Variants in OR6C1 observed in about 807,000 individuals in gnomAD.
The protein encoded by OR6C1 is olfactory receptor 6C1.
For synonymous variants in OR6C1, 157 were observed against 133.3 expected (o/e 1.18, Z -1.22); for missense variants, 386 against 366.1 (o/e 1.05, Z -0.44).
intron 1 of OR6C1, among the ~76,000 whole-genome samples, chr12:55,319,082 A>G (rs1868471015): frequency 6.6e-6 from 1 of 152,180 alleles, no homozygotes. Context: ...TTTCAATTAT[A>G]AAGCAAAATG....
At position 55,321,294 on chromosome 12, in the gene OR6C1, G is replaced by A. The variant is rs891611426; in HGVS notation, c.695G>A (p.Arg232Lys). The change falls in exon 2 of 2, where the codon AGG (arginine) becomes AAG (lysine). Residue 232 changes from arginine to lysine, a missense_variant. Transcript: ENST00000642104. ...TILRIPSTSQ[R>K]TKAFSTCSSH... ...TTGAGAATTCCTTCTACTAGTCAGA[G>A]GACAAAGGCCTTTTCCACATGTTCT... The A allele has an allele frequency of 6.2e-7, 1 of 1,613,236 alleles. No homozygotes were observed. The highest frequency in any genetic ancestry group is 8.5e-7 in the Non-Finnish European group (1 of 1,179,440).
chr12:55,316,717 T>C (rs1034373851), intron 1 of OR6C1, among the ~76,000 whole-genome samples: 1 of 152,096 alleles, frequency 6.6e-6, no homozygotes, highest in South Asian at 2.1e-4. Context: ...TATTGGCAAC[T>C]GAATACAATT....
rs777102489 is a variant in OR6C1 at position 55,315,166 on chromosome 12, A to G, written c.-34+567A>G. ...TTATAGTATTTCAATTAATTCCCAA[A>G]AACATCCTTGAAATTTCAACTCTGT... On this transcript the variant is annotated intron_variant, in intron 1 of 1. Coordinates refer to ENST00000642104, the MANE Select transcript of OR6C1 (RefSeq NM_001005182.2). Among the ~76,000 whole-genome samples the G allele has an allele frequency of 2.7e-4, 40 of 150,742 alleles. 3 individuals carry two copies.
intron 1 of OR6C1, among the ~76,000 whole-genome samples, chr12:55,316,793 A>G (rs1432808084): frequency 1.3e-5 from 2 of 151,954 alleles, no homozygotes; most frequent in African/African-American, 4.8e-5. Flanking sequence ...TTGTTATTGG[A>G]TCACATGCTA....
At chr12:55,318,067 A>G (rs545971723) in intron 1 of OR6C1, among the ~76,000 whole-genome samples, 2 of 151,602 alleles carry the variant, frequency 1.3e-5, no homozygotes, top group South Asian at 2.1e-4. Flanking sequence ...ACATATGTAT[A>G]TATAATATAT....
Position 55,321,216 on chromosome 12 carries a change from T to C in OR6C1, c.617T>C (p.Met206Thr), listed in dbSNP as rs112626795. 466 of 1,613,998 alleles carry C rather than the reference T, an allele frequency of 2.9e-4. 3 individuals are homozygous for C. The African/African-American group carries it at 3.1e-3, about 11-fold the overall frequency. ...TTTTCTTGTGCTGCGTTTACTCTAATGTTCACTTTGGCATTAATATTTCTG... is the reference window on the plus strand; with the variant it reads ...TTTTCTTGTGCTGCGTTTACTCTAACGTTCACTTTGGCATTAATATTTCTG... ...MGFSCAAFTLMFTLALIFLSY... is the reference protein window; with the variant it reads ...MGFSCAAFTLTFTLALIFLSY... The change falls in exon 2 of 2, where the codon ATG (methionine) becomes ACG (threonine). Residue 206 changes from methionine (M) to threonine (T), a missense_variant. Met to Thr is a moderately conservative substitution (Grantham distance 81). Transcript: ENST00000642104.
At position 55,314,578 on chromosome 12, in the gene OR6C1, T is replaced by C. The variant is rs781103990; in HGVS notation, c.-55T>C. On this transcript the variant is annotated 5_prime_UTR_variant, in exon 1 of 2. Transcript: ENST00000642104. ...CTATTCCAGCCATTCTGAATGTTAGTGAAACTATATGAAAATCAGAGGTAA... is the reference window on the plus strand; with the variant it reads ...CTATTCCAGCCATTCTGAATGTTAGCGAAACTATATGAAAATCAGAGGTAA... 4.6e-5 allele frequency: 7 copies of C among 151,704 alleles called. No individual in the cohort carries two copies. Among genetic ancestry groups the C allele is most frequent in the Admixed American group, 6.6e-5 (1 of 15,156 alleles). 9.4% of individuals were successfully genotyped at this position (151,704 alleles called of 1,614,324 possible).
rs1868562978 is a variant in OR6C1, at chr12:55,321,558, T to C, written c.*20T>C. The C allele has an allele frequency of 2.0e-6, 3 of 1,534,820 alleles. No individual in the cohort carries two copies. Among genetic ancestry groups the C allele is most frequent in the African/African-American group, 1.4e-5 (1 of 72,730 alleles). ...ACATGAAATGGTATGGTGTGATGAATTAGAGGCACAGGAAAGGACAATATG... is the reference window on the plus strand; with the variant it reads ...ACATGAAATGGTATGGTGTGATGAACTAGAGGCACAGGAAAGGACAATATG... On this transcript the variant is annotated 3_prime_UTR_variant, in exon 2 of 2. Transcript: ENST00000642104.
intron 1 of OR6C1, among the ~76,000 whole-genome samples, chr12:55,320,234 CAAG>C (rs975347937): frequency 3.9e-5 from 6 of 152,056 alleles, no homozygotes; most frequent in African/African-American, 7.2e-5. Flanking sequence ...GGGATTTGTG[CAAG>C]AATACGAAGG....
Position 55,321,375 on chromosome 12 carries a change from A to G in OR6C1, c.776A>G (p.Lys259Arg). 6.2e-7 allele frequency: 1 copy of G among 1,614,006 alleles called. No individual in the cohort carries two copies. Among genetic ancestry groups the G allele is most frequent in the East Asian group, 2.2e-5 (1 of 44,854 alleles). ...SYGSCIFMYI[K>R]PSAKDRVSLS... Reference sequence around the variant, plus strand: ...GGCAGCTGCATTTTTATGTACATTAAACCCTCAGCAAAAGATAGAGTGTCC... The same window carrying G: ...GGCAGCTGCATTTTTATGTACATTAGACCCTCAGCAAAAGATAGAGTGTCC... Residue 259 changes from lysine (K) to arginine (R), a missense_variant, in exon 2 of 2, where the codon AAA becomes AGA. Coordinates refer to ENST00000642104, the MANE Select transcript of OR6C1 (RefSeq NM_001005182.2).
rs111670157 is a variant in OR6C1, at chr12:55,317,973, A to G, written c.-33-2594A>G. Among the ~76,000 whole-genome samples the G allele has an allele frequency of 7.9e-3, 1,183 of 148,836 alleles. 15 individuals carry two copies. The highest frequency in any genetic ancestry group is 0.027 in the African/African-American group (1,108 of 40,694). On this transcript the variant is annotated intron_variant, in intron 1 of 1. Coordinates refer to ENST00000642104, the MANE Select transcript of OR6C1 (RefSeq NM_001005182.2). ...TATATACACACACACACACACATAT[A>G]TACACATATATATACATACACATAT... is the stretch of plus-strand genomic sequence containing the variant.
At chr12:55,315,303 TG>T (rs1868391169) in intron 1 of OR6C1, among the ~76,000 whole-genome samples, 1 of 151,688 alleles carries the variant, frequency 6.6e-6, no homozygotes, top group South Asian at 2.1e-4. Flanking sequence ...ATACTTTCTG[TG>T]ATAATAAATT....
rs1868552616 is a variant in OR6C1, at chr12:55,321,368, T to A, written c.769T>A (p.Tyr257Asn). ...SISYGSCIFM[Y>N]IKPSAKDRVS... is the part of the protein sequence containing the mutation. ...CTCTTATGGCAGCTGCATTTTTATG[T>A]ACATTAAACCCTCAGCAAAAGATAG... is the stretch of plus-strand genomic sequence containing the variant. Residue 257 changes from tyrosine to asparagine, a missense_variant, in exon 2 of 2, where the codon TAC (tyrosine) becomes AAC (asparagine). Tyr to Asn is a moderately radical substitution (Grantham distance 143). Transcript: ENST00000642104. 6.2e-7 allele frequency: 1 copy of A among 1,613,878 alleles called. No individual in the cohort carries two copies. Among genetic ancestry groups the A allele is most frequent in the Non-Finnish European group, 8.5e-7 (1 of 1,179,930 alleles).
intron 1 of OR6C1, among the ~76,000 whole-genome samples, chr12:55,318,977 C>T (rs184108305): frequency 1.3e-5 from 2 of 152,078 alleles, no homozygotes; most frequent in East Asian, 1.9e-4. Flanking sequence ...AGTATGAATA[C>T]ACAATTAAGC....
Position 55,321,588 on chromosome 12 carries a change from T to G in OR6C1, c.*50T>G. 7.9e-7 allele frequency: 1 copy of G among 1,270,324 alleles called. No homozygotes were observed. The highest frequency in any genetic ancestry group is 1.1e-6 in the Non-Finnish European group (1 of 917,966). 78.7% of individuals were successfully genotyped at this position (1,270,324 alleles called of 1,614,324 possible). A position where few individuals can be genotyped will look rare whatever the true frequency, so the allele number is the denominator to read the frequency against. On this transcript the variant is annotated 3_prime_UTR_variant, in exon 2 of 2. Coordinates refer to ENST00000642104, the MANE Select transcript of OR6C1 (RefSeq NM_001005182.2). ...GGCACAGGAAAGGACAATATGAATT[T>G]TCAGTAGCTTCTTCAATCAAAATGG...
intron 1 of OR6C1, among the ~76,000 whole-genome samples, chr12:55,317,307 A>C (rs1036259903): frequency 4.6e-5 from 7 of 152,138 alleles, no homozygotes; most frequent in African/African-American, 1.7e-4. Context: ...AGTAAAGTGA[A>C]ATGAAAGGAT....
intron 1 of OR6C1, among the ~76,000 whole-genome samples, chr12:55,319,891 A>G: frequency 6.6e-6 from 1 of 152,198 alleles, no homozygotes; most frequent in Middle Eastern, 3.2e-3. Context: ...CTGTAATCCC[A>G]GCACTTTGGG....
chr12:55,314,562 C>T lies in OR6C1; in HGVS notation c.-71C>T, dbSNP rs1439075689. ...TTTGCTAATATCTCTACTATTCCAGCCATTCTGAATGTTAGTGAAACTATA... is the reference window on the plus strand; with the variant it reads ...TTTGCTAATATCTCTACTATTCCAGTCATTCTGAATGTTAGTGAAACTATA... On this transcript the variant is annotated 5_prime_UTR_variant, in exon 1 of 2. Coordinates refer to ENST00000642104, the MANE Select transcript of OR6C1 (RefSeq NM_001005182.2). 1 of 151,438 alleles carries T rather than the reference C, an allele frequency of 6.6e-6. No homozygotes were observed. The highest frequency in any genetic ancestry group is 2.4e-5 in the African/African-American group (1 of 41,334). 9.4% of individuals were successfully genotyped at this position (151,438 alleles called of 1,614,324 possible).
At chr12:55,320,012 G>A (rs189588804) in intron 1 of OR6C1, among the ~76,000 whole-genome samples, 69 of 152,106 alleles carry the variant, frequency 4.5e-4, no homozygotes, top group East Asian at 4.5e-3. Context: ...GTGGTGGCAC[G>A]TGCCTGTAAT....
Sources: gnomAD v4.1 joint callset for allele counts (sites outside exome capture counted in the v4.1 genomes callset) on GRCh38, gnomAD v4.1.1 for gene constraint, MANE v1.5 for transcripts, NCBI Gene and HGNC (gene_info 2026-07-23, HGNC 2026-07-21) for gene names.